PRLR: variants seen among roughly 807,000 people sequenced by gnomAD.
The protein encoded by PRLR is hPRL receptor.
PRLR carries 13 observed loss-of-function variants against 40.2 expected under a neutral mutation model. The observed-to-expected ratio is 0.32, with a 90% CI of 0.21 to 0.51. The LOEUF (loss-of-function observed/expected upper bound fraction) is 0.51. Among genes scored for constraint, PRLR ranks in the 20% least tolerant of loss-of-function variants. The probability of loss-of-function intolerance (pLI) is 0.97; values close to 1 mark genes in which losing one functional copy is unlikely to be tolerated. For synonymous variants in PRLR, 269 were observed against 278.7 expected (o/e 0.97, Z 0.35); for missense variants, 656 against 747.3 (o/e 0.88, Z 1.42).
chr5:35,052,762 G>A (rs1327258656), downstream of PRLR, among the ~76,000 whole-genome samples: 1 of 152,168 alleles, frequency 6.6e-6, no homozygotes, highest in Admixed American at 6.5e-5. Flanking sequence ...AGGAAGGAAT[G>A]GTGAGAGGCA....
At chr5:35,052,225 A>T (rs1768518873), downstream of PRLR, among the ~76,000 whole-genome samples, 1 of 152,220 alleles carries the variant, frequency 6.6e-6, no homozygotes, top group African/African-American at 2.4e-5. Context: ...TAATGTTTGC[A>T]AAAATACTTC....
chr5:35,102,014 G>C (rs1771913831), intron 2 of PRLR, among the ~76,000 whole-genome samples: 1 of 151,786 alleles, frequency 6.6e-6, no homozygotes, highest in South Asian at 2.1e-4. Context: ...TTTTTTAGTA[G>C]AGACAGGGTT....
At chr5:35,211,400 T>A (rs1367695201) in intron 1 of PRLR, among the ~76,000 whole-genome samples, 1 of 152,170 alleles carries the variant, frequency 6.6e-6, no homozygotes, top group Non-Finnish European at 1.5e-5. Context: ...GAGACAGTGA[T>A]GGAGGCATAA....
chr5:35,126,618 T>C (rs1050149327), intron 1 of PRLR, among the ~76,000 whole-genome samples: 1 of 152,210 alleles, frequency 6.6e-6, no homozygotes, highest in African/African-American at 2.4e-5. Context: ...TAAATACGAC[T>C]TGTGCCACTA....
chr5:35,173,608 G>C lies in PRLR; in HGVS notation c.-105-55486C>G, dbSNP rs570754669. Reference sequence around the variant, plus strand: ...TGCCCTCCTCCAAGGCCTCTGGCAAGAGTGACCATCCAGTTCAGAAGCTAA... The same window carrying C: ...TGCCCTCCTCCAAGGCCTCTGGCAACAGTGACCATCCAGTTCAGAAGCTAA... On this transcript the variant is annotated intron_variant, in intron 1 of 9. Transcript: ENST00000618457. Among the ~76,000 whole-genome samples, 5 of 152,320 alleles carry C rather than the reference G, an allele frequency of 3.3e-5. No homozygotes were observed. The South Asian group carries it at 1.0e-3, about 32-fold the overall frequency.
chr5:35,193,290 A>C (rs1775653672), intron 1 of PRLR, among the ~76,000 whole-genome samples: 1 of 152,114 alleles, frequency 6.6e-6, no homozygotes, highest in African/African-American at 2.4e-5. Flanking sequence ...AGCAGCCCCC[A>C]AGTTCTTTCC....
At chr5:35,214,635 A>G (rs1024702085) in intron 1 of PRLR, among the ~76,000 whole-genome samples, 1 of 152,220 alleles carries the variant, frequency 6.6e-6, no homozygotes, top group African/African-American at 2.4e-5. Context: ...CTTGAAGCAA[A>G]CACAGCAAAA....
chr5:35,072,680 G>A lies in PRLR; in HGVS notation c.438C>T (p.Tyr146=). The A allele has an allele frequency of 1.2e-6, 2 of 1,614,132 alleles. No homozygotes were observed. Among genetic ancestry groups the A allele is most frequent in the Non-Finnish European group, 8.5e-7 (1 of 1,180,002 alleles). The part of the protein sequence containing the change: ...EVKQPEDRKP[Y]LWIKWSPPTL... ...TAGGTGGAGACCATTTAATCCACAGGTAGGGTTTTCTGTCTTCTGGCTGTT... is the reference window on the plus strand; with the variant it reads ...TAGGTGGAGACCATTTAATCCACAGATAGGGTTTTCTGTCTTCTGGCTGTT... The change falls in exon 6 of 10, where the codon TAC becomes TAT. Residue 146 remains tyrosine (Y), a synonymous_variant. Coordinates refer to ENST00000618457, the MANE Select transcript of PRLR (RefSeq NM_000949.7).
chr5:35,090,824 T>C (rs1771158910), intron 2 of PRLR, among the ~76,000 whole-genome samples: 1 of 115,194 alleles, frequency 8.7e-6, no homozygotes, highest in East Asian at 2.6e-4. Context: ...TTTTTTTTTT[T>C]TTTTGAGACA....
chr5:35,176,080 G>A (rs1238865445), intron 1 of PRLR, among the ~76,000 whole-genome samples: 1 of 152,028 alleles, frequency 6.6e-6, no homozygotes, highest in East Asian at 1.9e-4. Flanking sequence ...TGCACATGCA[G>A]CCCCCATGTT....
At chr5:35,054,209 G>T (rs889215745), downstream of PRLR, among the ~76,000 whole-genome samples, 5 of 152,326 alleles carry the variant, frequency 3.3e-5, no homozygotes, top group East Asian at 3.9e-4. Flanking sequence ...GATGGCAAGG[G>T]TACACATCAG....
intron 1 of PRLR, among the ~76,000 whole-genome samples, chr5:35,174,420 C>A (rs1775090111): frequency 6.6e-6 from 1 of 152,194 alleles, no homozygotes; most frequent in East Asian, 1.9e-4. Flanking sequence ...TCGACACATG[C>A]AGCTCTGGTT....
At chr5:35,098,766 CA>C (rs756156294) in intron 2 of PRLR, among the ~76,000 whole-genome samples, 141 of 152,268 alleles carry the variant, frequency 9.3e-4, no homozygotes, top group Non-Finnish European at 5.4e-4. Flanking sequence ...TTATTTGTCT[CA>C]GGGGGAAGGG....
chr5:35,132,058 A>G lies in PRLR; in HGVS notation c.-105-13936T>C, dbSNP rs752594913. Among the ~76,000 whole-genome samples the G allele has an allele frequency of 5.8e-4, 89 of 152,296 alleles. 1 individual carries two copies. Among genetic ancestry groups the G allele is most frequent in the Admixed American group, 3.3e-3 (51 of 15,302 alleles). Reference sequence around the variant, plus strand: ...AGGTAGTCATAGTACCTCACCCTTCAATCCTCACTCTGGCTTTGATGTTGT... The same window carrying G: ...AGGTAGTCATAGTACCTCACCCTTCGATCCTCACTCTGGCTTTGATGTTGT... On this transcript the variant is annotated intron_variant, in intron 1 of 9. Transcript: ENST00000618457.
chr5:35,139,539 A>G (rs185423335), intron 1 of PRLR, among the ~76,000 whole-genome samples: 3 of 152,362 alleles, frequency 2.0e-5, no homozygotes, highest in Admixed American at 6.5e-5. Context: ...CCCACATACT[A>G]TAAAATAATC....
intron 5 of PRLR, among the ~76,000 whole-genome samples, chr5:35,079,296 C>T (rs1367538594): frequency 2.0e-5 from 3 of 152,172 alleles, no homozygotes; most frequent in South Asian, 4.1e-4. Flanking sequence ...CATGATTGTA[C>T]GTTTAGAAAA....
chr5:35,206,164 C>G (rs1776010704), intron 1 of PRLR, among the ~76,000 whole-genome samples: 1 of 151,802 alleles, frequency 6.6e-6, no homozygotes, highest in Non-Finnish European at 1.5e-5. Flanking sequence ...GTAGAGGAGC[C>G]AGAAATGAAA....
At chr5:35,224,723 G>T (rs1455110505) in intron 1 of PRLR, among the ~76,000 whole-genome samples, 1 of 74,890 alleles carries the variant, frequency 1.3e-5, no homozygotes, top group Non-Finnish European at 4.0e-5. Context: ...GGAGAAAGTT[G>T]GGGGAAAAAA....
rs758458920 is a variant in PRLR at position 35,118,003 on chromosome 5, C to T, written c.-44+58G>A. The stretch of plus-strand genomic sequence containing the variant: ...AGTTGAGCCCCTGCCCTGGATGAAA[C>T]GGACAGTGGGGCAGATGGGTGGTGT... On this transcript the variant is annotated intron_variant, in intron 2 of 9. Coordinates refer to ENST00000618457, the MANE Select transcript of PRLR (RefSeq NM_000949.7). The T allele has an allele frequency of 8.1e-4, 723 of 889,678 alleles. 1 individual carries two copies. The highest frequency in any genetic ancestry group is 9.3e-4 in the Non-Finnish European group (691 of 742,712). 55.1% of individuals were successfully genotyped at this position (889,678 alleles called of 1,614,324 possible).
Sources: allele counts gnomAD v4.1 joint callset (sites outside exome capture counted in the v4.1 genomes callset), GRCh38; gene constraint gnomAD v4.1.1; transcripts MANE v1.5; gene names NCBI Gene and HGNC (gene_info 2026-07-23, HGNC 2026-07-21).